ARHGEF18: variants seen among roughly 807,000 people sequenced by gnomAD.
ARHGEF18 encodes the protein Rho/Rac guanine nucleotide exchange factor 18, also known as rho guanine nucleotide exchange factor 18.
ARHGEF18 carries 93 observed loss-of-function variants against 155.7 expected under a neutral mutation model. The observed-to-expected ratio is 0.60, with a 90% CI of 0.50 to 0.71. ARHGEF18 has a LOEUF of 0.71. Ranked by LOEUF, ARHGEF18 falls within the 30% of genes least tolerant of loss-of-function variation. ARHGEF18 has a pLI of 0.00. For synonymous variants in ARHGEF18, 742 were observed against 753.1 expected (o/e 0.99, Z 0.24); for missense variants, 1,593 against 1,816.1 (o/e 0.88, Z 2.23).
chr19:7,413,735 G>A (rs12459354), intron 10 of ARHGEF18, among the ~76,000 whole-genome samples: 75,279 of 151,884 alleles, frequency 0.5, 19,832 homozygotes, highest in Middle Eastern at 0.72. Flanking sequence ...TACTCCAGCC[G>A]AGACTCTGTC....
chr19:7,455,629 C>T (rs915932323), intron 17 of ARHGEF18, among the ~76,000 whole-genome samples: 2 of 152,112 alleles, frequency 1.3e-5, no homozygotes, highest in Non-Finnish European at 2.9e-5. Context: ...ACATCTGAGA[C>T]ATCAGAGGGA....
intron 10 of ARHGEF18, among the ~76,000 whole-genome samples, chr19:7,415,883 G>C (rs771516825): frequency 1.3e-5 from 2 of 152,012 alleles, no homozygotes; most frequent in East Asian, 1.9e-4. Context: ...ATTTTCACCC[G>C]CTTGCTAAAA....
In ARHGEF18 at chr19:7,471,192, T is replaced by C. The variant is rs971470700; in HGVS notation, c.*894T>C. ...GAGCTCCCAGGGCTGGCGTCCCACC[T>C]TCCAGGTGGGGGCTGGCACATCACA... On this transcript the variant is annotated 3_prime_UTR_variant, in exon 29 of 29. Transcript: ENST00000668164. This position sits in a 1 kb window ranked among gnomAD's most constrained non-coding sequence, Gnocchi z 4.4. 1.0e-5 allele frequency: 2 copies of C among 194,522 alleles called. No individual in the cohort carries two copies. Among genetic ancestry groups the C allele is most frequent in the African/African-American group, 2.3e-5 (1 of 43,036 alleles). 12.0% of individuals were successfully genotyped at this position (194,522 alleles called of 1,614,324 possible). A position where few individuals can be genotyped will look rare whatever the true frequency, so the allele number is the denominator to read the frequency against.
At chr19:7,442,261 C>T (rs774436577) in intron 13 of ARHGEF18, among the ~76,000 whole-genome samples, 1 of 151,408 alleles carries the variant, frequency 6.6e-6, no homozygotes, top group Admixed American at 6.6e-5. Context: ...TTTTGAGACA[C>T]AGTCTCTCTC....
At chr19:7,405,229 G>C (rs954808670) in intron 10 of ARHGEF18, among the ~76,000 whole-genome samples, 1 of 152,198 alleles carries the variant, frequency 6.6e-6, no homozygotes, top group South Asian at 2.1e-4. Context: ...AAAGTGCTGG[G>C]ATTACAGGCG....
In ARHGEF18 at chr19:7,470,067, G is replaced by A. The variant is rs759277119; in HGVS notation, c.3913+38G>A. 5 of 1,611,516 alleles carry A rather than the reference G, an allele frequency of 3.1e-6. No individual in the cohort carries two copies. In the East Asian group the frequency reaches 1.1e-4, roughly 36 times the overall value. On this transcript the variant is annotated intron_variant, in intron 28 of 28. Transcript: ENST00000668164. The surrounding 1 kb of genome is among the most constrained non-coding windows in gnomAD (Gnocchi z 5.9). ...CCCCTGACATGAGCCCAGTCCCAGGGCAGCGGGGCTGCGGCACCACCCGGC... is the reference window on the plus strand; with the variant it reads ...CCCCTGACATGAGCCCAGTCCCAGGACAGCGGGGCTGCGGCACCACCCGGC...
rs1555712591 is a variant in ARHGEF18 at position 7,411,285 on chromosome 19, T to TCCCTTTCCCTC, written c.967+28086_967+28087insTTCCCTCCCCT. Among the ~76,000 whole-genome samples, 82 of 131,304 alleles carry TCCCTTTCCCTC rather than the reference T, an allele frequency of 6.2e-4. 2 individuals are homozygous for TCCCTTTCCCTC. In the South Asian group the frequency reaches 0.014, roughly 23 times the overall value. The allele number at this position is 131,304 out of a possible 152,430, so 86.1% of individuals were successfully genotyped here. On this transcript the variant is annotated intron_variant, in intron 10 of 28. Transcript: ENST00000668164. The stretch of plus-strand genomic sequence containing the variant: ...TCCCCTTCCCCTTCCCCTTTCCCTT[T>TCCCTTTCCCTC]CCCTCCCCTCCCCTTCCCTTTTCTT...
chr19:7,436,335 G>C (rs1281387221), intron 10 of ARHGEF18, among the ~76,000 whole-genome samples: 3 of 151,686 alleles, frequency 2.0e-5, no homozygotes, highest in Non-Finnish European at 4.4e-5. Context: ...GGAGTGCAGT[G>C]GCATGATCTC....
chr19:7,422,707 CTAACT>C (rs1464740607), intron 10 of ARHGEF18, among the ~76,000 whole-genome samples: 1 of 144,812 alleles, frequency 6.9e-6, no homozygotes, highest in East Asian at 2.1e-4. Context: ...AAAATGTGTT[CTAACT>C]TTTCTTTTTT....
chr19:7,430,200 T>C (rs1295750095), intron 10 of ARHGEF18, among the ~76,000 whole-genome samples: 1 of 152,058 alleles, frequency 6.6e-6, no homozygotes, highest in Non-Finnish European at 1.5e-5. Context: ...TTCCCTGTCA[T>C]TTTTTATTTT....
chr19:7,430,485 G>A (rs572568117), intron 10 of ARHGEF18, among the ~76,000 whole-genome samples: 1 of 152,016 alleles, frequency 6.6e-6, no homozygotes, highest in Non-Finnish European at 1.5e-5. Context: ...TTACAGGCAT[G>A]AGCCACTGTA....
chr19:7,354,806 C>T (rs77780666), intron 1 of ARHGEF18, among the ~76,000 whole-genome samples: 136,790 of 152,152 alleles, frequency 0.9, 61,817 homozygotes, highest in Non-Finnish European at 0.95. Context: ...AGGCTGAGGC[C>T]GGAGGATCCC....
chr19:7,441,328 T>C (rs937136162), intron 11 of ARHGEF18, among the ~76,000 whole-genome samples: 2 of 151,810 alleles, frequency 1.3e-5, no homozygotes, highest in Non-Finnish European at 2.9e-5. Context: ...TACAGGCACC[T>C]GCCACCACAC....
intron 10 of ARHGEF18, among the ~76,000 whole-genome samples, chr19:7,411,120 G>T (rs1972650336): frequency 6.6e-6 from 1 of 152,076 alleles, no homozygotes; most frequent in African/African-American, 2.4e-5. Context: ...CTCAGAACAA[G>T]CCTGGGCAGC....
At chr19:7,464,490 G>A in intron 22 of ARHGEF18, 70 bp from the exon 23 acceptor site, 1 of 1,542,606 alleles carries the variant, frequency 6.5e-7, no homozygotes, top group Non-Finnish European at 8.8e-7. Context: ...AGGGGCTGGG[G>A]GTGGACTGGG....
At position 7,440,586 on chromosome 19, in the gene ARHGEF18, C is replaced by T; in HGVS notation, c.1106+104C>T. 3 of 1,343,468 alleles carry T rather than the reference C, an allele frequency of 2.2e-6. No homozygotes were observed. The highest frequency in any genetic ancestry group is 3.0e-6 in the Non-Finnish European group (3 of 1,002,084). The allele number at this position is 1,343,468 out of a possible 1,614,324, so 83.2% of individuals were successfully genotyped here. A position where few individuals can be genotyped will look rare whatever the true frequency, so the allele number is the denominator to read the frequency against. ...GACCCCGACTTAGATCTGTGTGAAT[C>T]CACACGGCAGCCCCCGTGCTAAGCA... is the stretch of plus-strand genomic sequence containing the variant. On this transcript the variant is annotated intron_variant, in intron 11 of 28. Transcript: ENST00000668164. The surrounding 1 kb of genome is among the most constrained non-coding windows in gnomAD (Gnocchi z 5.4).
chr19:7,409,327 T>TAAAAAAA (rs142783549), intron 10 of ARHGEF18, among the ~76,000 whole-genome samples: 1 of 114,680 alleles, frequency 8.7e-6, no homozygotes, highest in Non-Finnish European at 1.7e-5. Flanking sequence ...CCCTGTTTCT[T>TAAAAAAA]AAAAAAAAAA....
At chr19:7,359,747 G>A (rs548366922) in intron 1 of ARHGEF18, among the ~76,000 whole-genome samples, 1 of 99,764 alleles carries the variant, frequency 1.0e-5, no homozygotes, top group East Asian at 2.4e-4. Flanking sequence ...AAAGATTGGA[G>A]TTCAATCTGT....
At position 7,440,709 on chromosome 19, in the gene ARHGEF18, T is replaced by C. The variant is rs1974587056; in HGVS notation, c.1106+227T>C. Reference sequence around the variant, plus strand: ...TCGGCCCCTGGTGGAGCCAGTTTGCTTAGTGCCCTCGAGGGATCCTTGGAC... The same window carrying C: ...TCGGCCCCTGGTGGAGCCAGTTTGCCTAGTGCCCTCGAGGGATCCTTGGAC... On this transcript the variant is annotated intron_variant, in intron 11 of 28. Transcript: ENST00000668164. The surrounding 1 kb of genome is among the most constrained non-coding windows in gnomAD (Gnocchi z 5.4). 1.3e-5 allele frequency among the ~76,000 whole-genome samples: 2 copies of C among 152,150 alleles called. No individual in the cohort carries two copies.
Sources: gnomAD v4.1 joint callset for allele counts (sites outside exome capture counted in the v4.1 genomes callset) on GRCh38, gnomAD v4.1.1 for gene constraint, Gnocchi (gnomAD v3.1) non-coding constraint, MANE v1.5 for transcripts, NCBI Gene and HGNC (gene_info 2026-07-23, HGNC 2026-07-21) for gene names.